Variants in LRP1B observed in about 807,000 individuals in gnomAD.
The protein encoded by LRP1B is LDL receptor related protein 1B.
In LRP1B, 217 loss-of-function variants were observed where a neutral mutation model predicts 556.6. The ratio of observed to expected loss-of-function variants is 0.39; its 90% CI spans 0.35 to 0.44. The LOEUF (loss-of-function observed/expected upper bound fraction) is 0.44. Among genes scored for constraint, LRP1B ranks in the 20% least tolerant of loss-of-function variants. LRP1B has a pLI of 1.00. For synonymous variants in LRP1B, 2,047 were observed against 1,865.8 expected, an observed-to-expected ratio of 1.10 and a Z score of -2.50; for missense variants, 5,053 against 5,620.8, an observed-to-expected ratio of 0.90 and a Z score of 3.23.
intron 7 of LRP1B, among the ~76,000 whole-genome samples, chr2:141,115,406 C>A (rs1700862239): frequency 6.6e-6 from 1 of 151,106 alleles, no homozygotes; most frequent in Non-Finnish European, 1.5e-5. Context: ...ATTCCAAGAA[C>A]ATTCCAATTC....
At chr2:141,208,492 A>G (rs995405151) in intron 6 of LRP1B, 2 of 152,236 alleles carry the variant, frequency 1.3e-5, no homozygotes, top group African/African-American at 4.8e-5. Context: ...CCACAACCAG[A>G]AAAGCTAGAT....
chr2:142,044,823 G>T (rs927794394), intron 1 of LRP1B, among the ~76,000 whole-genome samples: 3 of 151,588 alleles, frequency 2.0e-5, no homozygotes, highest in African/African-American at 7.3e-5. Context: ...AAGTTACAGA[G>T]GATAAAATAC....
chr2:141,832,180 T>A (rs1488773856), intron 1 of LRP1B, among the ~76,000 whole-genome samples: 1 of 151,684 alleles, frequency 6.6e-6, no homozygotes, highest in African/African-American at 2.4e-5. Context: ...TTTTAAAAAA[T>A]CTTTCTTCTC....
intron 1 of LRP1B, among the ~76,000 whole-genome samples, chr2:142,126,717 GAGGGA>G (rs1322788865): frequency 3.3e-5 from 5 of 151,790 alleles, no homozygotes; most frequent in African/African-American, 1.2e-4. Flanking sequence ...GAAGGAAAGG[GAGGGA>G]GAGTTGCACA....
intron 2 of LRP1B, among the ~76,000 whole-genome samples, chr2:141,599,679 A>G (rs981540465): frequency 6.6e-6 from 1 of 152,182 alleles, no homozygotes; most frequent in Non-Finnish European, 1.5e-5. Context: ...GAACTACATT[A>G]TGTCTCCATG....
intron 2 of LRP1B, among the ~76,000 whole-genome samples, chr2:141,723,094 G>A (rs1160465432): frequency 1.3e-5 from 2 of 152,010 alleles, no homozygotes; most frequent in Non-Finnish European, 2.9e-5. Context: ...CATATTTACA[G>A]TTTTATAAGC....
At chr2:141,678,833 C>T (rs1690992097) in intron 2 of LRP1B, among the ~76,000 whole-genome samples, 2 of 152,112 alleles carry the variant, frequency 1.3e-5, no homozygotes, top group African/African-American at 4.8e-5. Flanking sequence ...TGGTAGGCAG[C>T]TTCTAAGATG....
intron 7 of LRP1B, among the ~76,000 whole-genome samples, chr2:141,133,304 TC>T (rs370992972): frequency 0.14 from 20,272 of 142,652 alleles, 1,706 homozygotes; most frequent in Middle Eastern, 0.27. Context: ...TTTTTTTTTT[TC>T]CACAATACTG....
At chr2:140,931,724 A>G (rs1423348496) in intron 20 of LRP1B, among the ~76,000 whole-genome samples, 1 of 152,142 alleles carries the variant, frequency 6.6e-6, no homozygotes, top group Non-Finnish European at 1.5e-5. Flanking sequence ...GATTTAGTTA[A>G]TTAAAATTTT....
intron 35 of LRP1B, among the ~76,000 whole-genome samples, chr2:140,754,391 A>G (rs953185844): frequency 6.6e-6 from 1 of 152,162 alleles, no homozygotes; most frequent in Non-Finnish European, 1.5e-5. Flanking sequence ...AATTAATGTC[A>G]AAAGGCATTA....
intron 35 of LRP1B, among the ~76,000 whole-genome samples, chr2:140,750,496 A>G (rs1688538613): frequency 6.6e-6 from 1 of 152,216 alleles, no homozygotes; most frequent in Non-Finnish European, 1.5e-5. Flanking sequence ...ATATATATCT[A>G]TATCTGTATT....
chr2:141,263,016 T>C (rs1262318094), intron 3 of LRP1B, among the ~76,000 whole-genome samples: 1 of 152,048 alleles, frequency 6.6e-6, no homozygotes, highest in South Asian at 2.1e-4. Flanking sequence ...GCCTTCTAAT[T>C]AAAAAATATG....
chr2:140,883,213 G>A (rs1383826742), intron 25 of LRP1B, among the ~76,000 whole-genome samples: 11 of 152,010 alleles, frequency 7.2e-5, no homozygotes, highest in African/African-American at 1.7e-4. Context: ...CCTTCACAAC[G>A]GAACACAAAA....
At position 140,640,397 on chromosome 2, in the gene LRP1B, T is replaced by TTC. The variant is rs1340459192; in HGVS notation, c.6800-38759_6800-38758insGA. ...TGTCCTGTTTTCTTTTTTTTTTTTT[T>TTC]TTTTTTTTTTTTTTTTGAGATGGCG... is the stretch of plus-strand genomic sequence containing the variant. On this transcript the variant is annotated intron_variant, in intron 41 of 90. Coordinates refer to ENST00000389484, the MANE Select transcript of LRP1B (RefSeq NM_018557.3). Among the ~76,000 whole-genome samples, 3 of 75,336 alleles carry TTC rather than the reference T, an allele frequency of 4.0e-5. No individual in the cohort carries two copies. The East Asian group carries it at 1.3e-3, about 32-fold the overall frequency. 49.4% of individuals were successfully genotyped at this position (75,336 alleles called of 152,430 possible).
At chr2:141,016,663 G>A (rs1426725768) in intron 12 of LRP1B, among the ~76,000 whole-genome samples, 2 of 152,122 alleles carry the variant, frequency 1.3e-5, no homozygotes, top group East Asian at 3.9e-4. Flanking sequence ...AGTAGGAGAG[G>A]GGGTCTTGAA....
intron 18 of LRP1B, among the ~76,000 whole-genome samples, chr2:140,965,116 T>C (rs902732298): frequency 3.9e-4 from 59 of 152,180 alleles, no homozygotes; most frequent in South Asian, 1.0e-3. Context: ...TGAGCCTCCA[T>C]TATAATTTAA....
intron 2 of LRP1B, among the ~76,000 whole-genome samples, chr2:141,620,536 T>A (rs1280333249): frequency 6.6e-6 from 1 of 152,214 alleles, no homozygotes; most frequent in African/African-American, 2.4e-5. Context: ...ACATATTGGA[T>A]ATGAGAAGGA....
chr2:141,015,334 T>C (rs571207022), intron 13 of LRP1B, among the ~76,000 whole-genome samples: 16 of 152,130 alleles, frequency 1.1e-4, no homozygotes, highest in Admixed American at 2.0e-4. Context: ...TTCCTCGTAA[T>C]ACATAATGTT....
At chr2:140,606,043 G>A (rs1365352085) in intron 41 of LRP1B, among the ~76,000 whole-genome samples, 2 of 151,866 alleles carry the variant, frequency 1.3e-5, no homozygotes, top group Admixed American at 6.6e-5. Flanking sequence ...GAGAGAGACA[G>A]AGAGAGAGAA....
Sources: allele counts gnomAD v4.1 joint callset (sites outside exome capture counted in the v4.1 genomes callset), GRCh38; gene constraint gnomAD v4.1.1; transcripts MANE v1.5; gene names NCBI Gene and HGNC (gene_info 2026-07-23, HGNC 2026-07-21).